The following SORCS1 variants were observed in gnomAD, a reference collection of about 807,000 sequenced individuals.
SORCS1 encodes VPS10 domain-containing receptor SorCS1.
SORCS1 carries 60 observed loss-of-function variants against 146.1 expected under a neutral mutation model. The observed-to-expected ratio is 0.41, with a 90% CI of 0.33 to 0.51. The LOEUF is 0.51. Ranked by LOEUF, SORCS1 falls within the 20% of genes least tolerant of loss-of-function variation. The pLI, the probability that SORCS1 is intolerant of heterozygous loss-of-function variation, is 0.21. For synonymous variants in SORCS1, 637 were observed against 584.0 expected (o/e 1.09, Z -1.31); for missense variants, 1,352 against 1,487.6 (o/e 0.91, Z 1.50).
chr10:107,104,472 A>C (rs543039075), intron 1 of SORCS1, among the ~76,000 whole-genome samples: 8 of 152,206 alleles, frequency 5.3e-5, no homozygotes, highest in Admixed American at 3.3e-4. Context: ...ATGGCAGACC[A>C]GTCACCTCTC....
At chr10:107,178,433 A>G in the SORCS1 span, among the ~76,000 whole-genome samples, 1 of 151,756 alleles carries the variant, frequency 6.6e-6, no homozygotes, top group African/African-American at 2.4e-5. Flanking sequence ...GATGACCTCC[A>G]GTTCCATTTA....
chr10:106,629,080 C>T (rs113601954), intron 19 of SORCS1, 122 bp downstream of exon 19: 10 of 832,354 alleles, frequency 1.2e-5, no homozygotes, highest in African/African-American at 8.6e-5. Flanking sequence ...ATCATTTCTT[C>T]CCCATTCCCC....
intron 1 of SORCS1, among the ~76,000 whole-genome samples, chr10:107,085,379 T>C (rs1963681164): frequency 1.3e-5 from 2 of 152,210 alleles, no homozygotes; most frequent in African/African-American, 4.8e-5. Context: ...GGGTGACTCA[T>C]CATTAAGACT....
At chr10:107,095,763 A>T (rs1220412480) in intron 1 of SORCS1, among the ~76,000 whole-genome samples, 2 of 152,328 alleles carry the variant, frequency 1.3e-5, no homozygotes, top group East Asian at 3.9e-4. Context: ...CCAATGGCTA[A>T]GTATAGGGCA....
At chr10:106,713,612 T>C (rs1855151620) in intron 6 of SORCS1, among the ~76,000 whole-genome samples, 2 of 152,246 alleles carry the variant, frequency 1.3e-5, no homozygotes, top group Admixed American at 1.3e-4. Context: ...CATGTTCACA[T>C]AGCTATAGCA....
chr10:106,875,333 T>C (rs1304294552), intron 2 of SORCS1, among the ~76,000 whole-genome samples: 1 of 152,248 alleles, frequency 6.6e-6, no homozygotes, highest in Non-Finnish European at 1.5e-5. Context: ...AGGATGTATA[T>C]ATACCACGTT....
chr10:106,614,016 T>C (rs2133439292), intron 21 of SORCS1, among the ~76,000 whole-genome samples: 1 of 152,188 alleles, frequency 6.6e-6, no homozygotes. Flanking sequence ...ACTGGACCCT[T>C]TGTCTCTTTT....
Position 106,878,624 on chromosome 10 carries a change from A to G in SORCS1, c.627-48951T>C, listed in dbSNP as rs1445245134. Among the ~76,000 whole-genome samples the G allele has an allele frequency of 4.1e-4, 51 of 125,626 alleles. 2 individuals are homozygous for G. In the South Asian group the frequency reaches 4.9e-3, roughly 12 times the overall value. The allele number at this position is 125,626 out of a possible 152,430, so 82.4% of individuals were successfully genotyped here. ...TTGTTTTTTATAAACTACCTAGTAT[A>G]TATATATATATATATATATATATAT... On this transcript the variant is annotated intron_variant, in intron 2 of 25. Transcript: ENST00000263054.
intron 1 of SORCS1, among the ~76,000 whole-genome samples, chr10:107,017,823 T>G (rs957288244): frequency 5.3e-5 from 8 of 152,038 alleles, no homozygotes; most frequent in African/African-American, 1.9e-4. Context: ...GCTATTTTTT[T>G]GTTTGTTTTT....
intron 2 of SORCS1, among the ~76,000 whole-genome samples, chr10:106,829,905 T>C (rs1426715551): frequency 1.3e-5 from 2 of 152,218 alleles, no homozygotes; most frequent in Non-Finnish European, 2.9e-5. Flanking sequence ...CTCCTTAATG[T>C]ACGCACATTG....
intron 4 of SORCS1, among the ~76,000 whole-genome samples, chr10:106,763,176 C>T (rs893367720): frequency 5.3e-5 from 8 of 152,280 alleles, no homozygotes; most frequent in African/African-American, 1.9e-4. Context: ...AGGCTGAACT[C>T]ATATACATGC....
At chr10:106,709,661 G>A (rs1162686875) in intron 6 of SORCS1, among the ~76,000 whole-genome samples, 2 of 151,976 alleles carry the variant, frequency 1.3e-5, no homozygotes, top group Non-Finnish European at 2.9e-5. Flanking sequence ...TGTTAGCCAG[G>A]ATGGTCTCGA....
At chr10:106,776,127 G>A (rs1043278065) in intron 4 of SORCS1, among the ~76,000 whole-genome samples, 4 of 152,102 alleles carry the variant, frequency 2.6e-5, no homozygotes, top group African/African-American at 7.2e-5. Context: ...ACCCTGCTTC[G>A]TGTTCTTAAA....
At chr10:106,607,380 G>C (rs928163526) in intron 22 of SORCS1, 83 bp from the exon 23 acceptor site, 9 of 1,553,244 alleles carry the variant, frequency 5.8e-6, no homozygotes, top group African/African-American at 1.4e-5. Flanking sequence ...GGGGGATCAG[G>C]GGTAGGCAGA....
At chr10:106,671,146 A>G in intron 16 of SORCS1, 91 bp downstream of exon 16, 1 of 1,554,848 alleles carries the variant, frequency 6.4e-7, no homozygotes, top group South Asian at 1.2e-5. Flanking sequence ...AGCCCTATGT[A>G]TGTTACTATT....
At chr10:106,757,693 G>T (rs1478466550) in intron 5 of SORCS1, among the ~76,000 whole-genome samples, 1 of 152,226 alleles carries the variant, frequency 6.6e-6, no homozygotes, top group African/African-American at 2.4e-5. Context: ...GTGGTCAAAA[G>T]AACTTTGGGC....
chr10:106,849,564 C>T (rs1461949260), intron 2 of SORCS1, among the ~76,000 whole-genome samples: 1 of 151,182 alleles, frequency 6.6e-6, no homozygotes, highest in Non-Finnish European at 1.5e-5. Flanking sequence ...ATTTGATCGT[C>T]TGAAGCCTTC....
chr10:107,067,038 CACAG>C (rs1277689077), intron 1 of SORCS1, among the ~76,000 whole-genome samples: 1 of 152,090 alleles, frequency 6.6e-6, no homozygotes, highest in East Asian at 1.9e-4. Context: ...ACAGTAAAAC[CACAG>C]ACAGTTTATT....
intron 3 of SORCS1, among the ~76,000 whole-genome samples, chr10:106,802,858 C>A (rs1290603571): frequency 6.6e-6 from 1 of 152,084 alleles, no homozygotes; most frequent in Non-Finnish European, 1.5e-5. Context: ...TGGTCTCAAA[C>A]TCCTGACCTC....
Sources: allele counts gnomAD v4.1 joint callset (sites outside exome capture counted in the v4.1 genomes callset), GRCh38; gene constraint gnomAD v4.1.1; transcripts MANE v1.5; gene names NCBI Gene and HGNC (gene_info 2026-07-23, HGNC 2026-07-21).